Variants in MBD5 observed in about 807,000 individuals in gnomAD.
MBD5 encodes methyl-CpG binding domain protein 5.
MBD5 carries 13 observed loss-of-function variants against 117.3 expected under a neutral mutation model. That is an observed-to-expected ratio of 0.11 (90% CI 0.07 to 0.18). The LOEUF (loss-of-function observed/expected upper bound fraction) is 0.18. Among genes scored for constraint, MBD5 ranks in the 10% least tolerant of loss-of-function variants. The pLI is 1.00. For missense variants in MBD5, 1,879 were observed against 2,093.8 expected (o/e 0.90, Z 2.00); for synonymous variants, 727 against 766.4 (o/e 0.95, Z 0.85).
At chr2:148,123,486 C>G (rs1286634319) in intron 1 of MBD5, among the ~76,000 whole-genome samples, 1 of 152,070 alleles carries the variant, frequency 6.6e-6, no homozygotes, top group Non-Finnish European at 1.5e-5. Context: ...AGAGGTGATT[C>G]TGAAATTTGT....
At chr2:148,058,717 T>A (rs1694942772) in intron 1 of MBD5, among the ~76,000 whole-genome samples, 1 of 152,170 alleles carries the variant, frequency 6.6e-6, no homozygotes, top group Non-Finnish European at 1.5e-5. Context: ...GAAAAAATGC[T>A]TGAAGTTTCC....
intron 1 of MBD5, among the ~76,000 whole-genome samples, chr2:148,036,912 T>G (rs1290487440): frequency 6.6e-6 from 1 of 152,082 alleles, no homozygotes; most frequent in African/African-American, 2.4e-5. Context: ...TTTAAGAAAC[T>G]GATGAACAGT....
chr2:148,485,988 T>C (rs944959325), intron 10 of MBD5, 38 bp downstream of exon 10: 1 of 1,588,810 alleles, frequency 6.3e-7, no homozygotes, highest in Non-Finnish European at 8.6e-7. Flanking sequence ...AAGAAAACAA[T>C]GTCTGAGTTT....
intron 2 of MBD5, among the ~76,000 whole-genome samples, chr2:148,222,380 C>T (rs1699709950): frequency 6.6e-6 from 1 of 152,058 alleles, no homozygotes; most frequent in South Asian, 2.1e-4. Flanking sequence ...ATTGATTCTT[C>T]CAATCCATGG....
intron 3 of MBD5, among the ~76,000 whole-genome samples, chr2:148,324,448 A>G (rs1402410546): frequency 1.6e-4 from 24 of 152,098 alleles, no homozygotes; most frequent in Non-Finnish European, 2.9e-5. Context: ...TTTTCACAAT[A>G]TTTATTCTTC....
chr2:148,280,208 A>T (rs115581000), intron 3 of MBD5, among the ~76,000 whole-genome samples: 5,509 of 151,482 alleles, frequency 0.036, 164 homozygotes, highest in Middle Eastern at 0.13. Flanking sequence ...TGTGGACTAT[A>T]TTATTTTTCT....
At chr2:148,353,955 A>G (rs992728263) in intron 4 of MBD5, among the ~76,000 whole-genome samples, 2 of 152,062 alleles carry the variant, frequency 1.3e-5, no homozygotes, top group Admixed American at 6.6e-5. Context: ...CCCATTCGCT[A>G]TAGATACTTC....
At chr2:148,381,099 C>T (rs538091043) in intron 4 of MBD5, among the ~76,000 whole-genome samples, 239 of 152,156 alleles carry the variant, frequency 1.6e-3, no homozygotes, top group Admixed American at 2.6e-3. Flanking sequence ...TCACCAGCAA[C>T]GGAACAAAGC....
intron 2 of MBD5, among the ~76,000 whole-genome samples, chr2:148,200,352 C>T (rs1699104284): frequency 6.6e-6 from 1 of 152,084 alleles, no homozygotes; most frequent in Non-Finnish European, 1.5e-5. Context: ...AAAAATGTAG[C>T]ACTTAAAAGC....
chr2:148,338,996 C>G (rs534139365), intron 3 of MBD5, among the ~76,000 whole-genome samples: 1 of 152,062 alleles, frequency 6.6e-6, no homozygotes, highest in African/African-American at 2.4e-5. Context: ...AGCAGGCACT[C>G]GTGACAACGT....
chr2:148,434,146 T>C (rs1357059045), intron 4 of MBD5, among the ~76,000 whole-genome samples: 2 of 152,052 alleles, frequency 1.3e-5, no homozygotes, highest in Non-Finnish European at 2.9e-5. Context: ...AGTTTATACA[T>C]TTATTCTAGA....
At chr2:148,164,155 C>T (rs4312431) in intron 1 of MBD5, among the ~76,000 whole-genome samples, 146,701 of 152,290 alleles carry the variant, frequency 0.96, 70,894 homozygotes, top group East Asian at 1. Flanking sequence ...GAAGTTGGAA[C>T]TTTAGAAGGG....
intron 1 of MBD5, among the ~76,000 whole-genome samples, chr2:148,022,090 A>T (rs1410162027): frequency 6.6e-6 from 1 of 152,120 alleles, no homozygotes; most frequent in African/African-American, 2.4e-5. Context: ...GCTCCACTGC[A>T]TTTGTTTCTG....
intron 1 of MBD5, among the ~76,000 whole-genome samples, chr2:148,084,268 G>T (rs1346515758): frequency 6.6e-6 from 1 of 152,126 alleles, no homozygotes; most frequent in Non-Finnish European, 1.5e-5. Flanking sequence ...TGTCTAGTTA[G>T]AAGATTTAAT....
At chr2:148,057,701 A>C (rs2105802354) in intron 1 of MBD5, among the ~76,000 whole-genome samples, 1 of 152,072 alleles carries the variant, frequency 6.6e-6, no homozygotes, top group Middle Eastern at 3.4e-3. Flanking sequence ...AATATGCTTT[A>C]GGGTTTGTAA....
chr2:148,159,423 C>A (rs575523688), intron 1 of MBD5, among the ~76,000 whole-genome samples: 6 of 151,992 alleles, frequency 3.9e-5, no homozygotes, highest in Non-Finnish European at 8.8e-5. Context: ...TCAAGGGATC[C>A]TCCAGCCTCA....
rs1233500244 is a variant in MBD5, at chr2:148,319,154, G to C, written c.-679-23060G>C. Among the ~76,000 whole-genome samples the C allele has an allele frequency of 5.9e-5, 9 of 152,226 alleles. No homozygotes were observed. In the South Asian group the frequency reaches 1.2e-3, roughly 21 times the overall value. ...GTACCATGCTATTTTGGTTACTATA[G>C]CCTTGTAGTGTAAACCGGAGTCAGG... is the stretch of plus-strand genomic sequence containing the variant. On this transcript the variant is annotated intron_variant, in intron 3 of 13. Coordinates refer to ENST00000642680, the MANE Select transcript of MBD5 (RefSeq NM_001378120.1).
chr2:148,398,102 T>A (rs1177705317), intron 4 of MBD5, among the ~76,000 whole-genome samples: 1 of 152,182 alleles, frequency 6.6e-6, no homozygotes, highest in Non-Finnish European at 1.5e-5. Context: ...TGAATAGTGC[T>A]GCAATAAACA....
At chr2:148,166,785 G>T (rs992433452) in intron 1 of MBD5, among the ~76,000 whole-genome samples, 2 of 151,990 alleles carry the variant, frequency 1.3e-5, no homozygotes, top group Non-Finnish European at 1.5e-5. Flanking sequence ...ATTTGTTGTG[G>T]TTATGTCAGA....
Sources: gnomAD v4.1 joint callset for allele counts (sites outside exome capture counted in the v4.1 genomes callset) on GRCh38, gnomAD v4.1.1 for gene constraint, MANE v1.5 for transcripts, NCBI Gene and HGNC (gene_info 2026-07-23, HGNC 2026-07-21) for gene names.